Variants in PDGFC observed in about 807,000 individuals in gnomAD.
PDGFC encodes the protein platelet-derived growth factor C.
PDGFC carries 12 observed loss-of-function variants against 35.5 expected under a neutral mutation model. The ratio of observed to expected loss-of-function variants is 0.34; its 90% CI spans 0.22 to 0.55. The LOEUF is 0.55. Ranked by LOEUF, PDGFC falls within the 20% of genes least tolerant of loss-of-function variation. The pLI is 0.91. For synonymous variants in PDGFC, 159 were observed against 148.8 expected, an observed-to-expected ratio of 1.07 and a Z score of -0.50; for missense variants, 322 against 412.4, an observed-to-expected ratio of 0.78 and a Z score of 1.90.
intron 3 of PDGFC, among the ~76,000 whole-genome samples, chr4:156,784,190 A>G (rs771189426): frequency 6.6e-6 from 1 of 152,232 alleles, no homozygotes; most frequent in East Asian, 1.9e-4. Context: ...ATGAGCTAAG[A>G]GCACACATGA....
At chr4:156,827,578 C>T (rs1728807539) in intron 2 of PDGFC, among the ~76,000 whole-genome samples, 1 of 151,956 alleles carries the variant, frequency 6.6e-6, no homozygotes. Flanking sequence ...AAACAAAAAA[C>T]TAAATCCAAT....
chr4:156,956,265 G>A (rs1247643331), intron 1 of PDGFC, among the ~76,000 whole-genome samples: 1 of 151,954 alleles, frequency 6.6e-6, no homozygotes, highest in Admixed American at 6.6e-5. Flanking sequence ...AGAAGACTGG[G>A]GTGACAGCAC....
rs137891260 is a variant in PDGFC, at chr4:156,839,681, G to A, written c.314+10540C>T. Among the ~76,000 whole-genome samples the A allele has an allele frequency of 1.8e-3, 272 of 152,256 alleles. 1 individual carries two copies. Among genetic ancestry groups the A allele is most frequent in the African/African-American group, 6.4e-3 (264 of 41,550 alleles). ...GATCAGAAGAAGACAGGAAAATATG[G>A]GAAAGTTTGAAACTTCCTCGAGACT... On this transcript the variant is annotated intron_variant, in intron 2 of 5. Coordinates refer to ENST00000502773, the MANE Select transcript of PDGFC (RefSeq NM_016205.3).
At chr4:156,884,251 G>A (rs1456883849) in intron 1 of PDGFC, among the ~76,000 whole-genome samples, 1 of 152,166 alleles carries the variant, frequency 6.6e-6, no homozygotes, top group Non-Finnish European at 1.5e-5. Context: ...TGATAAAAAT[G>A]TGTAAGGTCA....
chr4:156,880,267 T>C (rs557526414), intron 1 of PDGFC, among the ~76,000 whole-genome samples: 6 of 152,254 alleles, frequency 3.9e-5, no homozygotes, highest in Middle Eastern at 3.4e-3. Flanking sequence ...ACTAACACCA[T>C]TGGTGAATTG....
intron 5 of PDGFC, among the ~76,000 whole-genome samples, chr4:156,765,784 C>G (rs1049918994): frequency 1.3e-5 from 2 of 152,106 alleles, no homozygotes; most frequent in Non-Finnish European, 2.9e-5. Flanking sequence ...TTCATTAAAT[C>G]TTTATTGATC....
intron 1 of PDGFC, among the ~76,000 whole-genome samples, chr4:156,946,197 G>A (rs1173479241): frequency 6.6e-6 from 1 of 151,882 alleles, no homozygotes; most frequent in Non-Finnish European, 1.5e-5. Context: ...AGATAGAGAG[G>A]AAACAACTTT....
chr4:156,782,428 G>A (rs1373896840), intron 3 of PDGFC, among the ~76,000 whole-genome samples: 2 of 152,094 alleles, frequency 1.3e-5, no homozygotes, highest in African/African-American at 2.4e-5. Flanking sequence ...AGAAACTTCT[G>A]TAAAGTAACT....
intron 1 of PDGFC, among the ~76,000 whole-genome samples, chr4:156,941,029 G>A (rs1262550367): frequency 6.6e-6 from 1 of 152,126 alleles, no homozygotes; most frequent in African/African-American, 2.4e-5. Context: ...TATAATGTAT[G>A]CAAACAAAAG....
At chr4:156,875,171 GC>G (rs1451018876) in intron 1 of PDGFC, among the ~76,000 whole-genome samples, 1 of 152,202 alleles carries the variant, frequency 6.6e-6, no homozygotes, top group Non-Finnish European at 1.5e-5. Context: ...CAGCTGTTAA[GC>G]CTGCAGTGCA....
intron 1 of PDGFC, among the ~76,000 whole-genome samples, chr4:156,937,773 T>C (rs1731718774): frequency 6.6e-6 from 1 of 152,170 alleles, no homozygotes; most frequent in South Asian, 2.1e-4. Context: ...GCCTGAAATC[T>C]CTAAACTATT....
chr4:156,763,678 C>T (rs918958271), intron 5 of PDGFC, among the ~76,000 whole-genome samples: 27 of 152,206 alleles, frequency 1.8e-4, no homozygotes, highest in African/African-American at 6.3e-4. Context: ...CACTCCACAG[C>T]TGAGTCTGCT....
chr4:156,893,669 CA>C (rs552053780), intron 1 of PDGFC, among the ~76,000 whole-genome samples: 9,524 of 136,072 alleles, frequency 0.07, 367 homozygotes, highest in Middle Eastern at 0.12. Flanking sequence ...TCATTACCAT[CA>C]AAAAAAAAAA....
chr4:156,868,231 G>C (rs1579066346), intron 1 of PDGFC, among the ~76,000 whole-genome samples: 1 of 152,176 alleles, frequency 6.6e-6, no homozygotes, highest in Admixed American at 6.5e-5. Flanking sequence ...GAAAGTTTTA[G>C]TGACAATCAT....
chr4:156,957,181 A>T (rs1732233261), intron 1 of PDGFC, among the ~76,000 whole-genome samples: 1 of 152,042 alleles, frequency 6.6e-6, no homozygotes, highest in East Asian at 1.9e-4. Context: ...TTCTAAAAAT[A>T]GAAGGCTTAT....
intron 5 of PDGFC, among the ~76,000 whole-genome samples, chr4:156,766,288 C>T (rs895127573): frequency 2.0e-5 from 3 of 152,010 alleles, no homozygotes; most frequent in African/African-American, 7.2e-5. Flanking sequence ...ATATAAGGTT[C>T]CTGACTTGCT....
intron 1 of PDGFC, among the ~76,000 whole-genome samples, chr4:156,873,075 A>T (rs968386454): frequency 6.6e-6 from 1 of 152,190 alleles, no homozygotes; most frequent in African/African-American, 2.4e-5. Flanking sequence ...AGGCTGCAGT[A>T]TGCTGTGACT....
In PDGFC at chr4:156,926,764, T is replaced by G. The variant is rs192212645; in HGVS notation, c.118+44022A>C. Among the ~76,000 whole-genome samples, 529 of 152,304 alleles carry G rather than the reference T, an allele frequency of 3.5e-3. 4 individuals are homozygous for G. Among genetic ancestry groups the G allele is most frequent in the African/African-American group, 0.012 (497 of 41,572 alleles). ...ACTTTGTGGGCTGGCGTTGAGTGTC[T>G]GTGGTTTTCCAGGCACCCGGTACAA... On this transcript the variant is annotated intron_variant, in intron 1 of 5. Transcript: ENST00000502773.
At chr4:156,811,907 A>T (rs1388876081) in intron 2 of PDGFC, among the ~76,000 whole-genome samples, 1 of 152,010 alleles carries the variant, frequency 6.6e-6, no homozygotes, top group East Asian at 1.9e-4. Flanking sequence ...CCAACAATGG[A>T]AAGTTCTGAA....
Sources: gnomAD v4.1 joint callset for allele counts (sites outside exome capture counted in the v4.1 genomes callset) on GRCh38, gnomAD v4.1.1 for gene constraint, MANE v1.5 for transcripts, NCBI Gene and HGNC (gene_info 2026-07-23, HGNC 2026-07-21) for gene names.